The following CELF4 variants were observed in gnomAD, a reference collection of about 807,000 sequenced individuals.
CELF4 encodes the protein CUGBP Elav-like family member 4, also known as CUG-BP- and ETR-3-like factor 4.
In CELF4, 18 loss-of-function variants were observed where a neutral mutation model predicts 59.9. The ratio of observed to expected loss-of-function variants is 0.30; its 90% CI spans 0.21 to 0.45. The LOEUF is 0.45. Among genes scored for constraint, CELF4 ranks in the 20% least tolerant of loss-of-function variants. The probability of loss-of-function intolerance (pLI) is 1.00; values close to 1 mark genes in which losing one functional copy is unlikely to be tolerated. For synonymous variants in CELF4, 261 were observed against 267.1 expected (o/e 0.98, Z 0.22); for missense variants, 456 against 689.0 (o/e 0.66, Z 3.79).
intron 2 of CELF4, among the ~76,000 whole-genome samples, chr18:37,472,944 C>T (rs537918430): frequency 2.0e-5 from 3 of 152,166 alleles, no homozygotes; most frequent in South Asian, 4.2e-4. Flanking sequence ...CTTAACTCGC[C>T]CCCCAGAACT....
At chr18:37,356,240 T>G (rs2098564859) in intron 2 of CELF4, among the ~76,000 whole-genome samples, 1 of 152,234 alleles carries the variant, frequency 6.6e-6, no homozygotes, top group African/African-American at 2.4e-5. Context: ...AAATAGTATG[T>G]GGCACTCATC....
At chr18:37,452,008 A>T (rs541346263) in intron 2 of CELF4, among the ~76,000 whole-genome samples, 5 of 152,240 alleles carry the variant, frequency 3.3e-5, no homozygotes, top group African/African-American at 1.2e-4. Flanking sequence ...GCACCTGGGC[A>T]AGGCTCCCTG....
chr18:37,274,735 G>A lies in CELF4; in HGVS notation c.657+70C>T, dbSNP rs554591753. ...CTCTTGGGGAGACTGGACAGCCGGC[G>A]GGGCGTGGCGGGTGCTGGGGTCTCG... On this transcript the variant is annotated intron_variant, in intron 5 of 12. Transcript: ENST00000420428. 3,509 of 1,507,504 alleles carry A rather than the reference G, an allele frequency of 2.3e-3. 9 individuals are homozygous for A. The highest frequency in any genetic ancestry group is 2.7e-3 in the Admixed American group (128 of 47,104). The allele number at this position is 1,507,504 out of a possible 1,614,324, so 93.4% of individuals were successfully genotyped here.
intron 1 of CELF4, among the ~76,000 whole-genome samples, chr18:37,487,701 CA>C (rs1179326725): frequency 1.3e-5 from 2 of 152,110 alleles, no homozygotes; most frequent in Non-Finnish European, 2.9e-5. Flanking sequence ...TGTACGCAGG[CA>C]AGCCAGCTTG....
chr18:37,562,273 G>A (rs1184327204), intron 1 of CELF4, among the ~76,000 whole-genome samples: 1 of 152,064 alleles, frequency 6.6e-6, no homozygotes, highest in Non-Finnish European at 1.5e-5. Flanking sequence ...TTAACCCTTA[G>A]AACTCCTTCC....
chr18:37,308,539 A>T (rs1210008558), intron 3 of CELF4, among the ~76,000 whole-genome samples: 1 of 152,126 alleles, frequency 6.6e-6, no homozygotes, highest in African/African-American at 2.4e-5. Context: ...CCCTGCCCCC[A>T]GACTGTAAGC....
chr18:37,508,199 C>T (rs915393797), intron 1 of CELF4, among the ~76,000 whole-genome samples: 22 of 152,194 alleles, frequency 1.4e-4, no homozygotes, highest in African/African-American at 4.6e-4. Flanking sequence ...GCTTGATCAC[C>T]GCATCTCTAA....
At chr18:37,546,623 C>T (rs989229688) in intron 1 of CELF4, among the ~76,000 whole-genome samples, 3 of 152,202 alleles carry the variant, frequency 2.0e-5, no homozygotes, top group African/African-American at 2.4e-5. Flanking sequence ...TCTGGGCATC[C>T]TCCCCTCTCT....
chr18:37,309,177 C>G (rs1251634697), intron 3 of CELF4, among the ~76,000 whole-genome samples: 1 of 152,202 alleles, frequency 6.6e-6, no homozygotes, highest in African/African-American at 2.4e-5. Flanking sequence ...GGTATTGATG[C>G]TGGAAGAACT....
intron 1 of CELF4, among the ~76,000 whole-genome samples, chr18:37,539,294 C>G (rs1645956730): frequency 6.6e-6 from 1 of 152,122 alleles, no homozygotes; most frequent in African/African-American, 2.4e-5. Flanking sequence ...AGCTGAAGCA[C>G]AGAGAAGTTA....
At chr18:37,348,677 T>C (rs2098357892) in intron 2 of CELF4, among the ~76,000 whole-genome samples, 1 of 152,044 alleles carries the variant, frequency 6.6e-6, no homozygotes, top group African/African-American at 2.4e-5. Flanking sequence ...GTTTCTATCC[T>C]CCAAAACAAC....
chr18:37,399,102 A>C (rs2099284612), intron 2 of CELF4, among the ~76,000 whole-genome samples: 1 of 152,186 alleles, frequency 6.6e-6, no homozygotes, highest in African/African-American at 2.4e-5. Context: ...GGAGATGCTC[A>C]CAGTCGTTTT....
chr18:37,298,829 C>G (rs2095832603), intron 3 of CELF4, among the ~76,000 whole-genome samples: 1 of 152,132 alleles, frequency 6.6e-6, no homozygotes, highest in Admixed American at 6.5e-5. Flanking sequence ...TCCGCTCCAG[C>G]CAAGCGGGGC....
At chr18:37,298,858 A>C (rs1386325169) in intron 3 of CELF4, among the ~76,000 whole-genome samples, 1 of 152,116 alleles carries the variant, frequency 6.6e-6, no homozygotes, top group Non-Finnish European at 1.5e-5. Flanking sequence ...GACCAGGAAC[A>C]CTGCTAACAT....
chr18:37,454,246 A>G (rs1179185506), intron 2 of CELF4, among the ~76,000 whole-genome samples: 5 of 152,208 alleles, frequency 3.3e-5, no homozygotes, highest in Non-Finnish European at 7.3e-5. Context: ...CGTTGCCTGA[A>G]AGGGGCTGGG....
Position 37,284,777 on chromosome 18 carries a change from G to A in CELF4, c.449-9534C>T, listed in dbSNP as rs112789325. 7.9e-5 allele frequency among the ~76,000 whole-genome samples: 12 copies of A among 152,360 alleles called. 1 individual carries two copies. The highest frequency in any genetic ancestry group is 2.4e-4 in the African/African-American group (10 of 41,584). On this transcript the variant is annotated intron_variant, in intron 3 of 12. Transcript: ENST00000420428. Reference sequence around the variant, plus strand: ...AGTTACTATGATCCAGACACTGAGAGCAGCACTTTACAGGTATGGCAGGTA... The same window carrying A: ...AGTTACTATGATCCAGACACTGAGAACAGCACTTTACAGGTATGGCAGGTA...
In CELF4 at chr18:37,485,558, C is replaced by T. The variant is rs2099879454; in HGVS notation, c.336G>A (p.Gln112=). 13 of 1,452,584 alleles carry T rather than the reference C, an allele frequency of 8.9e-6. No individual in the cohort carries two copies. The highest frequency in any genetic ancestry group is 1.2e-5 in the Non-Finnish European group (13 of 1,091,558). The allele number at this position is 1,452,584 out of a possible 1,614,324, so 90.0% of individuals were successfully genotyped here. Reference sequence around the variant, plus strand: ...GAGTCTTCTGCTCGTGCAGCGCGCTCTGGGCCTTCAGCGCTGACTCACGCT... The same window carrying T: ...GAGTCTTCTGCTCGTGCAGCGCGCTTTGGGCCTTCAGCGCTGACTCACGCT... ...YCERESALKA[Q]SALHEQKTLP... is the part of the protein sequence containing the mutation. Residue 112 remains glutamine, a synonymous_variant, in exon 2 of 13, where the codon CAG becomes CAA. Transcript: ENST00000420428.
At chr18:37,448,267 C>G (rs557596233) in intron 2 of CELF4, among the ~76,000 whole-genome samples, 1 of 152,168 alleles carries the variant, frequency 6.6e-6, no homozygotes, top group Non-Finnish European at 1.5e-5. Flanking sequence ...CCGGGCAGTT[C>G]TCCAGGAATG....
intron 1 of CELF4, among the ~76,000 whole-genome samples, chr18:37,499,619 C>T (rs904518203): frequency 6.6e-6 from 1 of 152,222 alleles, no homozygotes; most frequent in African/African-American, 2.4e-5. Flanking sequence ...AATGGCAGGG[C>T]TGGCCCCTCT....
Sources: gnomAD v4.1 joint callset for allele counts (sites outside exome capture counted in the v4.1 genomes callset) on GRCh38, gnomAD v4.1.1 for gene constraint, MANE v1.5 for transcripts, NCBI Gene and HGNC (gene_info 2026-07-23, HGNC 2026-07-21) for gene names.